The following NRDC variants were observed in gnomAD, a reference collection of about 807,000 sequenced individuals.
NRDC encodes the protein nardilysin convertase, also known as nardilysin.
A neutral mutation model predicts 147.1 loss-of-function variants in NRDC; 54 were observed. The observed-to-expected ratio is 0.37, with a 90% CI of 0.29 to 0.46. The LOEUF (loss-of-function observed/expected upper bound fraction) is 0.46. NRDC is among the 20% of genes least tolerant of loss of function. The pLI, the probability that NRDC is intolerant of heterozygous loss-of-function variation, is 1.00. For synonymous variants in NRDC, 440 were observed against 482.1 expected (o/e 0.91, Z 1.14); for missense variants, 1,082 against 1,370.6 (o/e 0.79, Z 3.33).
chr1:51,851,403 AG>A (rs1283069117), intron 1 of NRDC, among the ~76,000 whole-genome samples: 1 of 151,934 alleles, frequency 6.6e-6, no homozygotes, highest in Non-Finnish European at 1.5e-5. Context: ...AAGGCATTAA[AG>A]GTTTGTCACC....
chr1:51,799,772 T>A (rs1455094614), intron 21 of NRDC, among the ~76,000 whole-genome samples: 1 of 152,212 alleles, frequency 6.6e-6, no homozygotes, highest in South Asian at 2.1e-4. Context: ...AGGCTCTGAA[T>A]GAAGGCCCAA....
intron 22 of NRDC, among the ~76,000 whole-genome samples, chr1:51,796,847 A>G (rs1257657526): frequency 6.7e-6 from 1 of 148,254 alleles, no homozygotes; most frequent in African/African-American, 2.5e-5. Context: ...CGGCCTCCCA[A>G]AGTGCTGGGA....
chr1:51,850,699 C>G (rs535521649), intron 1 of NRDC, among the ~76,000 whole-genome samples: 1 of 152,146 alleles, frequency 6.6e-6, no homozygotes, highest in Non-Finnish European at 1.5e-5. Flanking sequence ...ACCTGAACTC[C>G]CAGCAAAAGG....
intron 19 of NRDC, 49 bp from the exon 20 acceptor site, chr1:51,804,013 C>T: frequency 1.3e-6 from 2 of 1,489,884 alleles, no homozygotes; most frequent in South Asian, 1.3e-5. Flanking sequence ...AAGAAAGACA[C>T]ATGAAATAGA....
At chr1:51,790,746 C>A in intron 28 of NRDC, 97 bp from the exon 29 acceptor site, 2 of 1,008,230 alleles carry the variant, frequency 2.0e-6, no homozygotes, top group Non-Finnish European at 1.6e-6. Flanking sequence ...GATGGACATG[C>A]CAGTATAAGA....
At chr1:51,795,117 T>C in intron 22 of NRDC, 1 of 1,421,886 alleles carries the variant, frequency 7.0e-7, no homozygotes, top group Non-Finnish European at 9.3e-7. Context: ...TGGATCAAAC[T>C]TAATTGTTCA....
At chr1:51,862,672 A>G (rs902121369) in intron 1 of NRDC, among the ~76,000 whole-genome samples, 2 of 151,930 alleles carry the variant, frequency 1.3e-5, no homozygotes, top group African/African-American at 4.8e-5. Context: ...GCAGTGAGCC[A>G]TGATCATGAC....
At chr1:51,851,177 T>C (rs1681928381) in intron 1 of NRDC, among the ~76,000 whole-genome samples, 1 of 152,078 alleles carries the variant, frequency 6.6e-6, no homozygotes, top group African/African-American at 2.4e-5. Context: ...CCTGAGAAGA[T>C]GTCTTTTGGT....
At chr1:51,840,060 T>C (rs1008877433) in intron 2 of NRDC, 166 bp downstream of exon 2, 4 of 537,716 alleles carry the variant, frequency 7.4e-6, no homozygotes, top group Admixed American at 7.2e-5. Flanking sequence ...ACTACTTTTA[T>C]AATTGGAGGA....
At chr1:51,798,629 T>C (rs1442784564) in intron 21 of NRDC, 4 of 438,244 alleles carry the variant, frequency 9.1e-6, no homozygotes, top group South Asian at 4.1e-5. Flanking sequence ...AGTACAAAAA[T>C]GCACTTACCT....
At chr1:51,800,794 TGTG>T in intron 20 of NRDC, 111 bp from the exon 21 acceptor site, 1 of 1,034,628 alleles carries the variant, frequency 9.7e-7, no homozygotes, top group South Asian at 1.6e-5. Flanking sequence ...AACTAGGCAT[TGTG>T]GGGGGACATA....
intron 1 of NRDC, among the ~76,000 whole-genome samples, chr1:51,861,012 T>C (rs2792590): frequency 0.93 from 140,331 of 151,310 alleles, 65,130 homozygotes; most frequent in East Asian, 1. Context: ...TACAGTGGCA[T>C]GAGCTTGGCT....
intron 1 of NRDC, among the ~76,000 whole-genome samples, chr1:51,845,723 A>G (rs1488917995): frequency 6.6e-6 from 1 of 152,202 alleles, no homozygotes; most frequent in Admixed American, 6.5e-5. Context: ...CGCACCATTT[A>G]TCATTACTTG....
chr1:51,855,798 G>A (rs1682207566), intron 1 of NRDC, among the ~76,000 whole-genome samples: 1 of 152,076 alleles, frequency 6.6e-6, no homozygotes, highest in Admixed American at 6.6e-5. Flanking sequence ...ACTTGAGCCA[G>A]GGAGGAAGAG....
At chr1:51,842,177 T>G (rs575337167) in intron 1 of NRDC, among the ~76,000 whole-genome samples, 1 of 150,446 alleles carries the variant, frequency 6.6e-6, no homozygotes, top group Admixed American at 6.6e-5. Context: ...GTCCCAAAAA[T>G]TAATAAATAA....
At chr1:51,865,937 T>C (rs1421560132) in intron 1 of NRDC, among the ~76,000 whole-genome samples, 1 of 149,644 alleles carries the variant, frequency 6.7e-6, no homozygotes, top group Non-Finnish European at 1.5e-5. Flanking sequence ...CAGGCACCTG[T>C]AGTTTCAGCT....
At chr1:51,833,202 T>C (rs1430738622) in intron 4 of NRDC, among the ~76,000 whole-genome samples, 1 of 152,152 alleles carries the variant, frequency 6.6e-6, no homozygotes, top group Non-Finnish European at 1.5e-5. Flanking sequence ...GGCTCACACC[T>C]ATAATCCCAG....
chr1:51,877,943 G>T, intron 1 of NRDC: 3 of 1,002,402 alleles, frequency 3.0e-6, no homozygotes, highest in Non-Finnish European at 3.8e-6. Flanking sequence ...ATCCAACTCC[G>T]TCAACCTTTC....
chr1:51,792,275 A>G, intron 25 of NRDC, 102 bp downstream of exon 25: 2 of 1,373,396 alleles, frequency 1.5e-6, no homozygotes, highest in Non-Finnish European at 2.1e-6. Context: ...TTCAAATCAC[A>G]GATCTCTGAC....
Sources: allele counts gnomAD v4.1 joint callset (sites outside exome capture counted in the v4.1 genomes callset), GRCh38; gene constraint gnomAD v4.1.1; transcripts MANE v1.5; gene names NCBI Gene and HGNC (gene_info 2026-07-23, HGNC 2026-07-21).